The following PCSK2 variants were observed in gnomAD, a reference collection of about 807,000 sequenced individuals.
PCSK2 encodes neuroendocrine convertase 2.
A neutral mutation model predicts 69.7 loss-of-function variants in PCSK2; 14 were observed. That is an observed-to-expected ratio of 0.20 (90% CI 0.13 to 0.31). PCSK2 has a LOEUF of 0.31. Ranked by LOEUF, PCSK2 falls within the 10% of genes least tolerant of loss-of-function variation. The pLI, the probability that PCSK2 is intolerant of heterozygous loss-of-function variation, is 1.00. For missense variants in PCSK2, 544 were observed against 842.5 expected, an observed-to-expected ratio of 0.65 and a Z score of 4.39; for synonymous variants, 307 against 320.7, an observed-to-expected ratio of 0.96 and a Z score of 0.46.
chr20:17,440,398 A>G (rs2032571479), intron 8 of PCSK2, among the ~76,000 whole-genome samples: 1 of 152,210 alleles, frequency 6.6e-6, no homozygotes, highest in African/African-American at 2.4e-5. Flanking sequence ...CAATGAATAG[A>G]AAAGGGCAGC....
intron 5 of PCSK2, among the ~76,000 whole-genome samples, chr20:17,369,623 G>A (rs1419072523): frequency 2.0e-5 from 3 of 152,224 alleles, no homozygotes; most frequent in Non-Finnish European, 4.4e-5. Context: ...GACAAGGCAT[G>A]TGGCCTGGCA....
At chr20:17,284,474 G>A (rs1288865126) in intron 2 of PCSK2, among the ~76,000 whole-genome samples, 1 of 152,194 alleles carries the variant, frequency 6.6e-6, no homozygotes, top group Admixed American at 6.5e-5. Flanking sequence ...GTGAGGGAGA[G>A]CAGACATGCA....
chr20:17,257,679 T>C (rs1987230640), intron 1 of PCSK2, among the ~76,000 whole-genome samples: 1 of 152,148 alleles, frequency 6.6e-6, no homozygotes, highest in Admixed American at 6.6e-5. Context: ...TCGGGACATA[T>C]CCTCAATTCT....
rs1393182311 is a variant in PCSK2 at position 17,347,852 on chromosome 20, GAAA to G, written c.283-10474_283-10472del. Among the ~76,000 whole-genome samples, 11 of 103,310 alleles carry G rather than the reference GAAA, an allele frequency of 1.1e-4. 1 individual carries two copies. The highest frequency in any genetic ancestry group is 9.9e-4 in the East Asian group (4 of 4,030). 67.8% of individuals were successfully genotyped at this position (103,310 alleles called of 152,430 possible). ...AGAAAGAAAGAAAGAAAGAAAGAAAGAAAGAAAGAGGAGAGAGAAAAAAGAAAG... is the reference window on the plus strand; with the variant it reads ...AGAAAGAAAGAAAGAAAGAAAGAAAGGAAAGAGGAGAGAGAAAAAAGAAAG... On this transcript the variant is annotated intron_variant, in intron 2 of 11. Coordinates refer to ENST00000262545, the MANE Select transcript of PCSK2 (RefSeq NM_002594.5).
chr20:17,400,803 A>T (rs745580242), intron 5 of PCSK2, among the ~76,000 whole-genome samples: 1 of 152,086 alleles, frequency 6.6e-6, no homozygotes, highest in Non-Finnish European at 1.5e-5. Flanking sequence ...TTTGCTTAAC[A>T]ACATTTCTTG....
intron 1 of PCSK2, among the ~76,000 whole-genome samples, chr20:17,255,392 A>G (rs1286345714): frequency 4.0e-5 from 6 of 150,352 alleles, no homozygotes; most frequent in Non-Finnish European, 7.4e-5. Flanking sequence ...TCCAGGCTGG[A>G]GTGCAATGGC....
chr20:17,469,574 A>T (rs772944234), intron 11 of PCSK2, among the ~76,000 whole-genome samples: 3 of 152,070 alleles, frequency 2.0e-5, no homozygotes, highest in Non-Finnish European at 4.4e-5. Context: ...GCTCAGAGTC[A>T]CAAAGGGCAG....
rs890665603 is a variant in PCSK2 at position 17,477,388 on chromosome 20, C to T, written c.1431-4196C>T. Among the ~76,000 whole-genome samples the T allele has an allele frequency of 7.9e-5, 12 of 151,336 alleles. 1 individual carries two copies. Among genetic ancestry groups the T allele is most frequent in the African/African-American group, 2.9e-4 (12 of 41,222 alleles). Reference sequence around the variant, plus strand: ...GAAGATAATATTTATTATATTTTAACTAGAAACAGAACAGATAGCAAGTTC... The same window carrying T: ...GAAGATAATATTTATTATATTTTAATTAGAAACAGAACAGATAGCAAGTTC... On this transcript the variant is annotated intron_variant, in intron 11 of 11. Transcript: ENST00000262545.
chr20:17,251,999 C>T (rs1173029807), intron 1 of PCSK2, among the ~76,000 whole-genome samples: 2 of 152,230 alleles, frequency 1.3e-5, no homozygotes, highest in Non-Finnish European at 2.9e-5. Flanking sequence ...TTCCTCATAA[C>T]ATGGCAGCCT....
chr20:17,369,335 C>A, intron 5 of PCSK2, 58 bp downstream of exon 5: 1 of 1,418,448 alleles, frequency 7.0e-7, no homozygotes, highest in Non-Finnish European at 1.0e-6. Flanking sequence ...CCTGGTGTCC[C>A]TGGCTATTAG....
At chr20:17,426,613 G>T (rs146655553) in intron 6 of PCSK2, among the ~76,000 whole-genome samples, 164 of 152,334 alleles carry the variant, frequency 1.1e-3, no homozygotes, top group African/African-American at 3.8e-3. Context: ...TCCAAAATCT[G>T]CAGGGTGAGC....
intron 11 of PCSK2, among the ~76,000 whole-genome samples, chr20:17,475,144 T>C (rs1248734745): frequency 6.6e-6 from 1 of 151,772 alleles, no homozygotes; most frequent in Non-Finnish European, 1.5e-5. Flanking sequence ...GCATGTGGCC[T>C]GACCCACCGG....
intron 1 of PCSK2, among the ~76,000 whole-genome samples, chr20:17,253,240 TA>T (rs1254436662): frequency 6.6e-6 from 1 of 152,214 alleles, no homozygotes; most frequent in Non-Finnish European, 1.5e-5. Context: ...ATTTATCCTC[TA>T]AAAATTTGCA....
chr20:17,239,794 G>A (rs2122950892), intron 1 of PCSK2, among the ~76,000 whole-genome samples: 1 of 142,836 alleles, frequency 7.0e-6, no homozygotes, highest in South Asian at 2.3e-4. Context: ...ACTGGCCTAA[G>A]ATGATTCCAA....
intron 2 of PCSK2, among the ~76,000 whole-genome samples, chr20:17,308,063 C>T (rs888161717): frequency 6.7e-6 from 1 of 149,286 alleles, no homozygotes; most frequent in Non-Finnish European, 1.5e-5. Context: ...CTCACAAGAA[C>T]TCATTCACGG....
chr20:17,255,124 C>T (rs1987127295), intron 1 of PCSK2, among the ~76,000 whole-genome samples: 1 of 152,240 alleles, frequency 6.6e-6, no homozygotes, highest in South Asian at 2.1e-4. Flanking sequence ...GATAGTTTTT[C>T]TTCTTTCTTT....
At chr20:17,308,925 C>T (rs1050297667) in intron 2 of PCSK2, among the ~76,000 whole-genome samples, 8 of 152,194 alleles carry the variant, frequency 5.3e-5, no homozygotes, top group Non-Finnish European at 1.0e-4. Flanking sequence ...CACACCACCA[C>T]TTCTGCCAAA....
At chr20:17,391,400 A>T (rs922126184) in intron 5 of PCSK2, among the ~76,000 whole-genome samples, 7 of 152,314 alleles carry the variant, frequency 4.6e-5, no homozygotes, top group East Asian at 3.9e-4. Flanking sequence ...TAAAAAAAAT[A>T]AAAAAACTCA....
rs140192527 is a variant in PCSK2 at position 17,412,588 on chromosome 20, C to G, written c.620+3249C>G. Among the ~76,000 whole-genome samples the G allele has an allele frequency of 4.3e-4, 66 of 152,284 alleles. 1 individual carries two copies. The highest frequency in any genetic ancestry group is 1.3e-3 in the African/African-American group (54 of 41,546). On this transcript the variant is annotated intron_variant, in intron 6 of 11. Transcript: ENST00000262545. Reference sequence around the variant, plus strand: ...CTTGAAACTGACAGGGAGAATGGAACCAAGTTGGAAAACACTCTTCAGGAT... The same window carrying G: ...CTTGAAACTGACAGGGAGAATGGAAGCAAGTTGGAAAACACTCTTCAGGAT...
Sources: allele counts gnomAD v4.1 joint callset (sites outside exome capture counted in the v4.1 genomes callset), GRCh38; gene constraint gnomAD v4.1.1; transcripts MANE v1.5; gene names NCBI Gene and HGNC (gene_info 2026-07-23, HGNC 2026-07-21).